GALNT7: variants seen among roughly 807,000 people sequenced by gnomAD.
GALNT7 encodes the protein N-acetylgalactosaminyltransferase 7.
Under a neutral mutation model 82.1 loss-of-function variants are expected in GALNT7, and 60 were observed. That is an observed-to-expected ratio of 0.73 (90% CI 0.59 to 0.91). GALNT7 has a LOEUF of 0.91. GALNT7 is among the 40% of genes least tolerant of loss of function. The pLI is 0.00. For synonymous variants in GALNT7, 243 were observed against 275.1 expected (o/e 0.88, Z 1.15); for missense variants, 660 against 804.2 (o/e 0.82, Z 2.17).
intron 8 of GALNT7, among the ~76,000 whole-genome samples, chr4:173,312,110 G>A (rs1737408269): frequency 6.6e-6 from 1 of 152,262 alleles, no homozygotes; most frequent in East Asian, 1.9e-4. Context: ...AGACTGTATA[G>A]CCCAAAAAGC....
intron 1 of GALNT7, among the ~76,000 whole-genome samples, chr4:173,193,252 ATT>A (rs1732678975): frequency 6.6e-6 from 1 of 152,206 alleles, no homozygotes; most frequent in Non-Finnish European, 1.5e-5. Flanking sequence ...AACAAACACT[ATT>A]TTATTTAAGC....
chr4:173,173,004 G>A (rs1731924934), intron 1 of GALNT7, among the ~76,000 whole-genome samples: 1 of 152,112 alleles, frequency 6.6e-6, no homozygotes, highest in Middle Eastern at 3.2e-3. Context: ...GTCCTGGTGG[G>A]GGTCATCATT....
In GALNT7 at chr4:173,313,693, T is replaced by C. The variant is rs190192334; in HGVS notation, c.1390-265T>C. 2.7e-4 allele frequency among the ~76,000 whole-genome samples: 41 copies of C among 152,174 alleles called. 1 individual carries two copies. In the East Asian group the frequency reaches 5.2e-3, roughly 19 times the overall value. The stretch of plus-strand genomic sequence containing the variant: ...TTATTCTTCTGTTAGCAGAATAGAA[T>C]ACATTATCTCAGCATATATGATCTT... On this transcript the variant is annotated intron_variant, in intron 8 of 11. Transcript: ENST00000265000.
intron 1 of GALNT7, among the ~76,000 whole-genome samples, chr4:173,218,591 G>C (rs1733544710): frequency 6.6e-6 from 1 of 152,076 alleles, no homozygotes; most frequent in East Asian, 1.9e-4. Flanking sequence ...AGCAACTCAG[G>C]CAAGTTTCCC....
At chr4:173,197,134 T>C (rs1732804474) in intron 1 of GALNT7, among the ~76,000 whole-genome samples, 1 of 148,714 alleles carries the variant, frequency 6.7e-6, no homozygotes, top group Admixed American at 6.9e-5. Context: ...ATATGGGTAG[T>C]AGATACCTAA....
intron 1 of GALNT7, among the ~76,000 whole-genome samples, chr4:173,222,177 G>C (rs1733667870): frequency 6.6e-6 from 1 of 152,176 alleles, no homozygotes; most frequent in Non-Finnish European, 1.5e-5. Flanking sequence ...GGGGGCATTT[G>C]TTGCACAGTG....
chr4:173,272,199 GC>G (rs1349355604), intron 2 of GALNT7, among the ~76,000 whole-genome samples: 1 of 152,126 alleles, frequency 6.6e-6, no homozygotes, highest in East Asian at 1.9e-4. Context: ...TATTTGTTTT[GC>G]CCTTTTCCAT....
intron 2 of GALNT7, among the ~76,000 whole-genome samples, chr4:173,285,123 A>T (rs544877752): frequency 6.6e-6 from 1 of 152,180 alleles, no homozygotes; most frequent in East Asian, 1.9e-4. Context: ...GCTTTATTTT[A>T]TCTAATTTAA....
At chr4:173,241,285 T>C (rs1052145251) in intron 1 of GALNT7, among the ~76,000 whole-genome samples, 1 of 152,064 alleles carries the variant, frequency 6.6e-6, no homozygotes, top group Non-Finnish European at 1.5e-5. Context: ...TTTTGGTACA[T>C]TTAATTTTCC....
At chr4:173,283,634 TG>T (rs1489264914) in intron 2 of GALNT7, among the ~76,000 whole-genome samples, 3 of 134,316 alleles carry the variant, frequency 2.2e-5, no homozygotes, top group South Asian at 2.4e-4. Flanking sequence ...AAACTCTGTC[TG>T]AAAAAAAAAA....
At chr4:173,282,923 G>A (rs1322044330) in intron 2 of GALNT7, among the ~76,000 whole-genome samples, 2 of 152,166 alleles carry the variant, frequency 1.3e-5, no homozygotes, top group African/African-American at 4.8e-5. Context: ...TCCAGGTTAT[G>A]GGGGCACTTT....
intron 1 of GALNT7, among the ~76,000 whole-genome samples, chr4:173,233,001 C>T (rs1249028267): frequency 6.6e-6 from 1 of 152,144 alleles, no homozygotes; most frequent in Non-Finnish European, 1.5e-5. Context: ...TTTGTCTTTC[C>T]GTGCCTGGCT....
chr4:173,304,138 G>T lies in GALNT7; in HGVS notation c.1389+20G>T. On this transcript the variant is annotated intron_variant, in intron 8 of 11. Coordinates refer to ENST00000265000, the MANE Select transcript of GALNT7 (RefSeq NM_017423.3). Reference sequence around the variant, plus strand: ...CTGAAGGTGAGTTTTTTGGATAAAAGGGGAGGACAGGGAACTAACATTTAT... The same window carrying T: ...CTGAAGGTGAGTTTTTTGGATAAAATGGGAGGACAGGGAACTAACATTTAT... The T allele has an allele frequency of 6.2e-7, 1 of 1,606,806 alleles. No homozygotes were observed. Among genetic ancestry groups the T allele is most frequent in the Non-Finnish European group, 8.5e-7 (1 of 1,175,514 alleles).
intron 1 of GALNT7, among the ~76,000 whole-genome samples, chr4:173,217,167 T>C (rs1238893979): frequency 6.6e-6 from 1 of 152,176 alleles, no homozygotes; most frequent in Non-Finnish European, 1.5e-5. Flanking sequence ...TTTGCCCAGT[T>C]AACCAGAGAA....
intron 11 of GALNT7, 193 bp downstream of exon 11, chr4:173,318,752 T>C: frequency 2.2e-6 from 1 of 455,562 alleles, no homozygotes; most frequent in East Asian, 4.2e-5. Flanking sequence ...TCACTTTTGT[T>C]CTCTCTTACA....
At position 173,320,932 on chromosome 4, in the gene GALNT7, G is replaced by A. The variant is rs533849624; in HGVS notation, c.1837-648G>A. Among the ~76,000 whole-genome samples, 5 of 152,286 alleles carry A rather than the reference G, an allele frequency of 3.3e-5. No homozygotes were observed. In the East Asian group the frequency reaches 9.6e-4, roughly 29 times the overall value. ...ACAACTATAGGTACTAGCATAGTTT[G>A]ATTCATGCTAAGGCACCATCAGTTT... On this transcript the variant is annotated intron_variant, in intron 11 of 11. Coordinates refer to ENST00000265000, the MANE Select transcript of GALNT7 (RefSeq NM_017423.3). The surrounding 1 kb of genome is among the most constrained non-coding windows in gnomAD (Gnocchi z 4.1).
intron 8 of GALNT7, among the ~76,000 whole-genome samples, chr4:173,310,001 CCATA>C (rs1406886387): frequency 1.3e-5 from 2 of 152,152 alleles, no homozygotes; most frequent in Non-Finnish European, 2.9e-5. Flanking sequence ...GCTATATATA[CCATA>C]CAAACTACCC....
At chr4:173,260,278 TA>T (rs1205854458) in intron 2 of GALNT7, among the ~76,000 whole-genome samples, 14 of 152,280 alleles carry the variant, frequency 9.2e-5, no homozygotes, top group Admixed American at 6.5e-5. Flanking sequence ...TTTAAATAAT[TA>T]AAGTTAGTTC....
intron 8 of GALNT7, among the ~76,000 whole-genome samples, chr4:173,309,674 G>A (rs1434971895): frequency 6.6e-6 from 1 of 152,186 alleles, no homozygotes; most frequent in Non-Finnish European, 1.5e-5. Flanking sequence ...ATTGTTGGCT[G>A]TAGACACAAC....
Sources: gnomAD v4.1 joint callset for allele counts (sites outside exome capture counted in the v4.1 genomes callset) on GRCh38, gnomAD v4.1.1 for gene constraint, Gnocchi (gnomAD v3.1) non-coding constraint, MANE v1.5 for transcripts, NCBI Gene and HGNC (gene_info 2026-07-23, HGNC 2026-07-21) for gene names.